DAPK1: variants seen among roughly 807,000 people sequenced by gnomAD.
DAPK1 encodes the protein death associated protein kinase 1.
A neutral mutation model predicts 144.9 loss-of-function variants in DAPK1; 56 were observed. That is an observed-to-expected ratio of 0.39 (90% CI 0.31 to 0.48). The LOEUF (loss-of-function observed/expected upper bound fraction) is 0.48. Among genes scored for constraint, DAPK1 ranks in the 20% least tolerant of loss-of-function variants. The pLI is 0.95. For synonymous variants in DAPK1, 690 were observed against 749.0 expected (o/e 0.92, Z 1.29); for missense variants, 1,454 against 1,875.4 (o/e 0.78, Z 4.15).
In DAPK1 at chr9:87,522,373, A is replaced by G. The variant is rs867167158; in HGVS notation, c.62+23234A>G. Among the ~76,000 whole-genome samples the G allele has an allele frequency of 5.3e-5, 8 of 152,222 alleles. No homozygotes were observed. In the South Asian group the frequency reaches 1.4e-3, roughly 28 times the overall value. On this transcript the variant is annotated intron_variant, in intron 2 of 25. Coordinates refer to ENST00000408954, the MANE Select transcript of DAPK1 (RefSeq NM_004938.4). The stretch of plus-strand genomic sequence containing the variant: ...ATATATTCTATGTGTATTTAAGACA[A>G]TAAACATAAATTTTTTCATGTTTTT...
chr9:87,652,562 T>C (rs71489446), intron 17 of DAPK1, among the ~76,000 whole-genome samples: 159 of 103,892 alleles, frequency 1.5e-3, no homozygotes, highest in Middle Eastern at 7.6e-3. Context: ...CTGTGTCCTC[T>C]CACCTGATCC....
At chr9:87,524,019 A>G (rs1336752685) in intron 2 of DAPK1, among the ~76,000 whole-genome samples, 1 of 152,236 alleles carries the variant, frequency 6.6e-6, no homozygotes, top group Admixed American at 6.5e-5. Context: ...ATGTTGAAAG[A>G]TGGTCTGCAG....
intron 3 of DAPK1, among the ~76,000 whole-genome samples, chr9:87,623,412 C>A (rs1035776769): frequency 6.6e-6 from 1 of 152,158 alleles, no homozygotes; most frequent in African/African-American, 2.4e-5. Flanking sequence ...TTTTGGGGAT[C>A]CCAAAGTATT....
At chr9:87,582,787 T>A (rs1032959380) in intron 2 of DAPK1, among the ~76,000 whole-genome samples, 16 of 151,984 alleles carry the variant, frequency 1.1e-4, no homozygotes, top group Non-Finnish European at 2.1e-4. Flanking sequence ...ACTCCTGACC[T>A]CGTGATCCCC....
chr9:87,698,491 G>A (rs960854183), intron 22 of DAPK1, 165 bp from the exon 23 acceptor site: 15 of 616,260 alleles, frequency 2.4e-5, no homozygotes, highest in Non-Finnish European at 4.1e-5. Flanking sequence ...GGCCTTCTAG[G>A]GTCACAGTGC....
rs539537081 is a variant in DAPK1, at chr9:87,707,168, C to A, written c.4097C>A (p.Thr1366Asn). The change falls in exon 26 of 26, where the codon ACC becomes AAC. Residue 1366 changes from threonine (T) to asparagine (N), a missense_variant. Around this residue, in one of 2 missense-constraint regions of DAPK1, gnomAD observed 1,025 missense variants for 1,237.9 expected, o/e 0.83. Transcript: ENST00000408954. The surrounding 1 kb of genome is among the most constrained non-coding windows in gnomAD (Gnocchi z 4.0). ...CTCCACGCCCTGCTGCGGGAATGGA[C>A]CACCTACCCTGAGAGCACAGTGGGC... Reference protein sequence around the residue: ...SPLHALLREWTTYPESTVGTL... With the variant: ...SPLHALLREWNTYPESTVGTL... 4.5e-5 allele frequency: 72 copies of A among 1,613,692 alleles called. No individual in the cohort carries two copies. The highest frequency in any genetic ancestry group is 5.8e-5 in the Non-Finnish European group (69 of 1,179,746).
intron 3 of DAPK1, chr9:87,633,453 A>T: frequency 1.1e-6 from 1 of 919,202 alleles, no homozygotes; most frequent in Non-Finnish European, 1.3e-6. Context: ...TCTAATGTCT[A>T]ACTGAAGGAC....
chr9:87,680,013 C>T (rs371804942), intron 19 of DAPK1, among the ~76,000 whole-genome samples: 107 of 151,838 alleles, frequency 7.0e-4, no homozygotes, highest in African/African-American at 2.4e-3. Flanking sequence ...TTTCTTTCAG[C>T]CTCTTAATTG....
chr9:87,671,875 T>A (rs184837621), intron 19 of DAPK1, among the ~76,000 whole-genome samples: 1 of 152,176 alleles, frequency 6.6e-6, no homozygotes, highest in East Asian at 1.9e-4. Flanking sequence ...CAGAGTCCAG[T>A]GAAAAGTCCC....
intron 2 of DAPK1, among the ~76,000 whole-genome samples, chr9:87,536,370 T>C (rs923925373): frequency 2.0e-5 from 3 of 152,180 alleles, no homozygotes; most frequent in African/African-American, 7.2e-5. Context: ...TGCGTGAGCA[T>C]GTGACCCATG....
intron 14 of DAPK1, among the ~76,000 whole-genome samples, 186 bp downstream of exon 14, chr9:87,647,589 A>C (rs1479760570): frequency 1.3e-5 from 2 of 152,228 alleles, no homozygotes; most frequent in Non-Finnish European, 2.9e-5. Flanking sequence ...AATCAGCCTT[A>C]AGTCAAAATC....
chr9:87,640,303 G>A lies in DAPK1; in HGVS notation c.635G>A (p.Ser212Asn), dbSNP rs756469590. The A allele has an allele frequency of 1.2e-6, 2 of 1,613,466 alleles. No homozygotes were observed. The highest frequency in any genetic ancestry group is 1.7e-6 in the Non-Finnish European group (2 of 1,179,704). Residue 212 changes from serine to asparagine, a missense_variant, in exon 8 of 26, where the codon AGT (serine) becomes AAT (asparagine). Ser to Asn is a conservative substitution (Grantham distance 46, BLOSUM62 1). Transcript: ENST00000408954. ...SIGVITYILL[S>N]GASPFLGDTK... ...CCCAACTTTATTTTTAACAGCCTAA[G>A]TGGGGCCTCCCCATTTCTTGGAGAC...
chr9:87,653,163 A>T (rs1480469884), intron 17 of DAPK1, among the ~76,000 whole-genome samples: 2 of 142,492 alleles, frequency 1.4e-5, no homozygotes, highest in African/African-American at 2.6e-5. Flanking sequence ...CATCCCCCCG[A>T]TCCTGGGTCC....
At chr9:87,560,067 T>C (rs1398829308) in intron 2 of DAPK1, among the ~76,000 whole-genome samples, 4 of 151,754 alleles carry the variant, frequency 2.6e-5, no homozygotes, top group Admixed American at 1.3e-4. Context: ...CTTGGCTCAC[T>C]GCAACCTCCT....
chr9:87,514,061 G>A (rs1824954173), intron 2 of DAPK1, among the ~76,000 whole-genome samples: 1 of 152,166 alleles, frequency 6.6e-6, no homozygotes, highest in African/African-American at 2.4e-5. Context: ...AAATGTGTGA[G>A]GGGGCGCAAA....
At position 87,706,354 on chromosome 9, in the gene DAPK1, C is replaced by T; in HGVS notation, c.3283C>T (p.Leu1095=). 3 of 1,608,562 alleles carry T rather than the reference C, an allele frequency of 1.9e-6. No homozygotes were observed. The highest frequency in any genetic ancestry group is 2.5e-6 in the Non-Finnish European group (3 of 1,177,350). ...TGCCATGGACATCTGCGCCCGGGAC[C>T]TGAGCAGCGGGACCATGGTGGACGT... is the stretch of plus-strand genomic sequence containing the variant. ...LDAMDICARD[L]SSGTMVDVPA... The change falls in exon 26 of 26, where the codon CTG becomes TTG. Residue 1095 remains leucine, a synonymous_variant. Coordinates refer to ENST00000408954, the MANE Select transcript of DAPK1 (RefSeq NM_004938.4). The surrounding 1 kb of genome is among the most constrained non-coding windows in gnomAD (Gnocchi z 9.0).
Position 87,706,253 on chromosome 9 carries a change from G to A in DAPK1, c.3182G>A (p.Arg1061Gln), listed in dbSNP as rs1825630341. The A allele has an allele frequency of 5.0e-6, 8 of 1,613,592 alleles. No homozygotes were observed. The highest frequency in any genetic ancestry group is 6.8e-6 in the Non-Finnish European group (8 of 1,179,620). The change falls in exon 26 of 26, where the codon CGG becomes CAG. Residue 1061 changes from arginine to glutamine, a missense_variant. By Grantham distance (43) the Arg-to-Gln change is conservative. Around this residue, in one of 2 missense-constraint regions of DAPK1, gnomAD observed 1,025 missense variants for 1,237.9 expected, o/e 0.83. Transcript: ENST00000408954. The surrounding 1 kb of genome is among the most constrained non-coding windows in gnomAD (Gnocchi z 9.0). The part of the protein sequence containing the change: ...VETPRALHHY[R>Q]GRYTVEDIQR... Reference sequence around the variant, plus strand: ...ACCCCACGGGCGCTGCACCACTACCGGGGCCGCTACACCGTGGAGGACATC... The same window carrying A: ...ACCCCACGGGCGCTGCACCACTACCAGGGCCGCTACACCGTGGAGGACATC...
chr9:87,525,427 G>A, intron 2 of DAPK1: 1 of 1,610,866 alleles, frequency 6.2e-7, no homozygotes, highest in Non-Finnish European at 8.5e-7. Context: ...TGTGCCGCCA[G>A]TGTTTCCGTC....
At chr9:87,596,748 C>T (rs554439927) in intron 2 of DAPK1, among the ~76,000 whole-genome samples, 2 of 152,322 alleles carry the variant, frequency 1.3e-5, no homozygotes, top group South Asian at 4.1e-4. Context: ...TCTGTTAAAC[C>T]CACCATCCCA....
Sources: allele counts gnomAD v4.1 joint callset (sites outside exome capture counted in the v4.1 genomes callset), GRCh38; gene constraint gnomAD v4.1.1; regional missense constraint gnomAD v4.1.1; non-coding constraint Gnocchi (gnomAD v3.1); transcripts MANE v1.5; gene names NCBI Gene and HGNC (gene_info 2026-07-23, HGNC 2026-07-21).